Variants in PTPRT observed in about 807,000 individuals in gnomAD.
The protein encoded by PTPRT is protein tyrosine phosphatase receptor type T, also known as receptor-type tyrosine-protein phosphatase T.
A neutral mutation model predicts 176.8 loss-of-function variants in PTPRT; 56 were observed. That is an observed-to-expected ratio of 0.32 (90% CI 0.26 to 0.40). The LOEUF (loss-of-function observed/expected upper bound fraction) is 0.40, where lower values mean the gene tolerates loss of function less well. PTPRT is among the 10% of genes least tolerant of loss of function. The pLI, the probability that PTPRT is intolerant of heterozygous loss-of-function variation, is 1.00. For synonymous variants in PTPRT, 783 were observed against 739.0 expected (o/e 1.06, Z -0.96); for missense variants, 1,540 against 1,908.2 (o/e 0.81, Z 3.60).
chr20:42,880,805 C>T lies in PTPRT; in HGVS notation c.214+5002G>A, dbSNP rs566519005. 2.0e-5 allele frequency among the ~76,000 whole-genome samples: 3 copies of T among 152,332 alleles called. No homozygotes were observed. In the East Asian group the frequency reaches 5.8e-4, roughly 29 times the overall value. ...GAAGCCTGGAATGCTAGTGCAAGAGCTTCTCCCATGGACAGAGATGAGGAA... is the reference window on the plus strand; with the variant it reads ...GAAGCCTGGAATGCTAGTGCAAGAGTTTCTCCCATGGACAGAGATGAGGAA... On this transcript the variant is annotated intron_variant, in intron 2 of 30. Coordinates refer to ENST00000373187, the MANE Select transcript of PTPRT (RefSeq NM_007050.6).
At chr20:42,259,953 T>C (rs980530063) in intron 13 of PTPRT, among the ~76,000 whole-genome samples, 1 of 152,238 alleles carries the variant, frequency 6.6e-6, no homozygotes, top group African/African-American at 2.4e-5. Context: ...GGAATAGTCC[T>C]GGACATTGCC....
At chr20:42,961,384 T>C (rs1981975346) in intron 1 of PTPRT, among the ~76,000 whole-genome samples, 1 of 152,214 alleles carries the variant, frequency 6.6e-6, no homozygotes, top group South Asian at 2.1e-4. Context: ...CTCAGAGATG[T>C]TGGATATTTT....
intron 1 of PTPRT, among the ~76,000 whole-genome samples, chr20:43,032,893 C>T (rs1986205447): frequency 6.6e-6 from 1 of 152,182 alleles, no homozygotes; most frequent in Non-Finnish European, 1.5e-5. Context: ...GATATAAACG[C>T]ATGATGTGCG....
At chr20:42,542,872 G>A (rs1052431987) in intron 7 of PTPRT, among the ~76,000 whole-genome samples, 5 of 152,162 alleles carry the variant, frequency 3.3e-5, no homozygotes, top group African/African-American at 1.2e-4. Flanking sequence ...AGAAGGTACT[G>A]AACAAGAGGT....
rs943228416 is a variant in PTPRT, at chr20:42,375,928, G to A, written c.1561-23643C>T. Among the ~76,000 whole-genome samples the A allele has an allele frequency of 5.9e-5, 9 of 152,102 alleles. No homozygotes were observed. The East Asian group carries it at 1.7e-3, about 29-fold the overall frequency. ...GTTCAACATTGCTATCAGAATACAA[G>A]CAATCAGAATTAAACAAACAAACAA... On this transcript the variant is annotated intron_variant, in intron 9 of 30. Coordinates refer to ENST00000373187, the MANE Select transcript of PTPRT (RefSeq NM_007050.6).
At chr20:42,498,226 CCAGTCAACTGAA>C (rs1367207207) in intron 7 of PTPRT, among the ~76,000 whole-genome samples, 7 of 152,120 alleles carry the variant, frequency 4.6e-5, no homozygotes, top group African/African-American at 1.7e-4. Flanking sequence ...TCTAAGCCCC[CCAGTCAACTGAA>C]CAGACTTTCC....
intron 1 of PTPRT, among the ~76,000 whole-genome samples, chr20:42,893,202 A>C (rs1406171702): frequency 1.3e-5 from 2 of 152,252 alleles, no homozygotes; most frequent in Non-Finnish European, 2.9e-5. Flanking sequence ...TGGCCAAAGG[A>C]TATGAACAGA....
chr20:42,402,231 C>A (rs2058915589), intron 9 of PTPRT, among the ~76,000 whole-genome samples: 1 of 151,992 alleles, frequency 6.6e-6, no homozygotes, highest in Non-Finnish European at 1.5e-5. Flanking sequence ...CCCAAAACAT[C>A]CCTGACTTGA....
intron 9 of PTPRT, among the ~76,000 whole-genome samples, chr20:42,378,242 A>G (rs996448722): frequency 6.6e-6 from 1 of 152,242 alleles, no homozygotes; most frequent in African/African-American, 2.4e-5. Flanking sequence ...AGCGGGAGGC[A>G]CCAGATAAAC....
At chr20:42,715,223 A>G (rs1024699482) in intron 6 of PTPRT, among the ~76,000 whole-genome samples, 4 of 152,224 alleles carry the variant, frequency 2.6e-5, no homozygotes, top group African/African-American at 7.2e-5. Flanking sequence ...AGTCCAATCA[A>G]TATAATCCAG....
At chr20:42,185,619 A>T (rs1290545890) in intron 16 of PTPRT, among the ~76,000 whole-genome samples, 2 of 152,180 alleles carry the variant, frequency 1.3e-5, no homozygotes. Flanking sequence ...ATCCACCTTT[A>T]TTCAATTCTG....
intron 7 of PTPRT, among the ~76,000 whole-genome samples, chr20:42,653,794 C>T (rs868817122): frequency 1.3e-5 from 2 of 152,062 alleles, no homozygotes; most frequent in Non-Finnish European, 2.9e-5. Context: ...TCTTGATCTG[C>T]GAGGAAAACT....
intron 2 of PTPRT, among the ~76,000 whole-genome samples, chr20:42,815,751 A>C (rs2077772529): frequency 6.6e-6 from 1 of 152,192 alleles, no homozygotes; most frequent in African/African-American, 2.4e-5. Flanking sequence ...GGCTGAGTTG[A>C]CAGGGCTTCT....
intron 2 of PTPRT, among the ~76,000 whole-genome samples, chr20:42,840,579 A>C (rs1245069668): frequency 2.0e-5 from 3 of 151,886 alleles, no homozygotes; most frequent in Non-Finnish European, 2.9e-5. Context: ...AGCTCAGCTA[A>C]TTTTTGTAAT....
chr20:43,023,600 A>G (rs1985792801), intron 1 of PTPRT, among the ~76,000 whole-genome samples: 1 of 152,098 alleles, frequency 6.6e-6, no homozygotes, highest in South Asian at 2.1e-4. Context: ...ATCTCCTCAC[A>G]CTAATGTTCC....
chr20:42,563,974 C>T (rs2072996995), intron 7 of PTPRT, among the ~76,000 whole-genome samples: 1 of 152,210 alleles, frequency 6.6e-6, no homozygotes, highest in African/African-American at 2.4e-5. Context: ...TCGGTGGCTC[C>T]ACTGTCCCAA....
intron 13 of PTPRT, among the ~76,000 whole-genome samples, chr20:42,254,017 C>T (rs2056593937): frequency 6.6e-6 from 1 of 152,160 alleles, no homozygotes; most frequent in Non-Finnish European, 1.5e-5. Flanking sequence ...CAAGGCATGG[C>T]CCTTGGTTTA....
rs1434972506 is a variant in PTPRT, at chr20:42,234,438, C to T, written c.2342+1791G>A. Reference sequence around the variant, plus strand: ...TTCTCTTTCCACCATAGCAATGACACACCATATTGTTTCGTACCTCCGTGT... The same window carrying T: ...TTCTCTTTCCACCATAGCAATGACATACCATATTGTTTCGTACCTCCGTGT... On this transcript the variant is annotated intron_variant, in intron 15 of 30. Coordinates refer to ENST00000373187, the MANE Select transcript of PTPRT (RefSeq NM_007050.6). Among the ~76,000 whole-genome samples the T allele has an allele frequency of 2.6e-5, 4 of 152,234 alleles. No individual in the cohort carries two copies. In the East Asian group the frequency reaches 7.7e-4, roughly 29 times the overall value.
intron 2 of PTPRT, among the ~76,000 whole-genome samples, chr20:42,855,909 C>G (rs1421471768): frequency 6.6e-6 from 1 of 152,122 alleles, no homozygotes; most frequent in Non-Finnish European, 1.5e-5. Context: ...AATCCCTTCC[C>G]AGAGCCATTC....
Sources: gnomAD v4.1 joint callset for allele counts (sites outside exome capture counted in the v4.1 genomes callset) on GRCh38, gnomAD v4.1.1 for gene constraint, MANE v1.5 for transcripts, NCBI Gene and HGNC (gene_info 2026-07-23, HGNC 2026-07-21) for gene names.